The following LINGO2 variants were observed in gnomAD, a reference collection of about 807,000 sequenced individuals.
LINGO2 encodes leucine-rich repeat and immunoglobulin-like domain-containing nogo receptor-interacting protein 2.
In LINGO2, 14 loss-of-function variants were observed where a neutral mutation model predicts 30.6. That is an observed-to-expected ratio of 0.46 (90% CI 0.30 to 0.72). The LOEUF (loss-of-function observed/expected upper bound fraction) is 0.72, where lower values mean the gene tolerates loss of function less well. Ranked by LOEUF, LINGO2 falls within the 30% of genes least tolerant of loss-of-function variation. The pLI is 0.07. For missense variants in LINGO2, 729 were observed against 751.7 expected (o/e 0.97, Z 0.35); for synonymous variants, 317 against 288.5 (o/e 1.10, Z -1.00).
intron 4 of LINGO2, among the ~76,000 whole-genome samples, chr9:28,196,992 G>C (rs1028041616): frequency 6.6e-6 from 1 of 151,796 alleles, no homozygotes; most frequent in African/African-American, 2.4e-5. Context: ...AGCACAATAG[G>C]GTGGCTATAG....
the LINGO2 span, among the ~76,000 whole-genome samples, chr9:28,911,697 T>C: frequency 1.3e-5 from 2 of 152,240 alleles, no homozygotes; most frequent in South Asian, 2.1e-4. Flanking sequence ...CCACAGAATG[T>C]TGTTCTTCTA....
the LINGO2 span, among the ~76,000 whole-genome samples, chr9:28,922,284 T>C: frequency 2.0e-5 from 3 of 152,178 alleles, no homozygotes; most frequent in Non-Finnish European, 2.9e-5. Context: ...TTGTATCACT[T>C]GTGACAGAAA....
chr9:28,311,029 T>C (rs1175766662), intron 3 of LINGO2, among the ~76,000 whole-genome samples: 2 of 152,124 alleles, frequency 1.3e-5, no homozygotes, highest in Non-Finnish European at 2.9e-5. Flanking sequence ...TGTAGATTCT[T>C]TTCTATTTTC....
intron 3 of LINGO2, among the ~76,000 whole-genome samples, chr9:28,299,470 G>A (rs1824054283): frequency 6.6e-6 from 1 of 151,470 alleles, no homozygotes; most frequent in Non-Finnish European, 1.5e-5. Context: ...TATTCATTTA[G>A]TCTGATGAAA....
the LINGO2 span, among the ~76,000 whole-genome samples, chr9:29,118,755 G>A: frequency 6.6e-6 from 1 of 152,122 alleles, no homozygotes. Flanking sequence ...CCTCTCCCCA[G>A]TGAATGGGCC....
At chr9:28,010,655 A>C (rs2119241304) in intron 5 of LINGO2, among the ~76,000 whole-genome samples, 1 of 152,338 alleles carries the variant, frequency 6.6e-6, no homozygotes, top group Non-Finnish European at 1.5e-5. Flanking sequence ...ATACTGTTTT[A>C]AAATCAATCA....
At chr9:28,725,559 T>C in the LINGO2 span, among the ~76,000 whole-genome samples, 1 of 131,432 alleles carries the variant, frequency 7.6e-6, no homozygotes, top group Non-Finnish European at 1.6e-5. Flanking sequence ...TCTCAATCCA[T>C]GGAATAAAAA....
chr9:27,974,164 A>G lies in LINGO2; in HGVS notation c.-35-23458T>C, dbSNP rs116351022. Among the ~76,000 whole-genome samples, 207 of 152,260 alleles carry G rather than the reference A, an allele frequency of 1.4e-3. 2 individuals carry two copies. The highest frequency in any genetic ancestry group is 4.8e-3 in the African/African-American group (198 of 41,572). Reference sequence around the variant, plus strand: ...CGTGAACACGCAGTTGGGAACTGTGACAAGAGAGGTGGCTTTGTACTTTAT... The same window carrying G: ...CGTGAACACGCAGTTGGGAACTGTGGCAAGAGAGGTGGCTTTGTACTTTAT... On this transcript the variant is annotated intron_variant, in intron 5 of 5. Coordinates refer to ENST00000379992, the Ensembl canonical transcript of LINGO2.
At chr9:28,110,946 T>C (rs1019592313) in intron 4 of LINGO2, among the ~76,000 whole-genome samples, 7 of 152,178 alleles carry the variant, frequency 4.6e-5, no homozygotes, top group African/African-American at 7.2e-5. Context: ...TGTATGCTTA[T>C]TGCAGCACTA....
intron 4 of LINGO2, among the ~76,000 whole-genome samples, chr9:28,026,481 G>A (rs931063207): frequency 3.3e-5 from 5 of 152,138 alleles, no homozygotes; most frequent in South Asian, 2.1e-4. Flanking sequence ...TTTCTAAGGC[G>A]TTCTGGGATG....
chr9:28,361,335 A>T (rs1266641162), intron 3 of LINGO2, among the ~76,000 whole-genome samples: 2 of 152,184 alleles, frequency 1.3e-5, no homozygotes, highest in African/African-American at 4.8e-5. Flanking sequence ...ATAGGTATGT[A>T]TGTATAGGGA....
chr9:29,189,416 G>T, the LINGO2 span, among the ~76,000 whole-genome samples: 6 of 151,302 alleles, frequency 4.0e-5, no homozygotes, highest in Non-Finnish European at 8.9e-5. Flanking sequence ...CTTCTCAGAC[G>T]GGGCGGCCGG....
chr9:28,827,267 T>C, the LINGO2 span, among the ~76,000 whole-genome samples: 1 of 152,266 alleles, frequency 6.6e-6, no homozygotes, highest in Non-Finnish European at 1.5e-5. Context: ...CTAGTGATAG[T>C]GAGCTCATTG....
chr9:29,111,686 C>G, the LINGO2 span, among the ~76,000 whole-genome samples: 3 of 151,462 alleles, frequency 2.0e-5, no homozygotes, highest in African/African-American at 4.8e-5. Context: ...TTGATATTCT[C>G]AAATATTCTA....
the LINGO2 span, among the ~76,000 whole-genome samples, chr9:28,787,553 A>T: frequency 2.0e-5 from 3 of 152,152 alleles, no homozygotes; most frequent in African/African-American, 7.2e-5. Context: ...AAAAATCTAG[A>T]ACAATAAATA....
intron 4 of LINGO2, among the ~76,000 whole-genome samples, chr9:28,270,676 T>C (rs1014474219): frequency 6.6e-6 from 1 of 152,146 alleles, no homozygotes; most frequent in African/African-American, 2.4e-5. Context: ...TTGAAGGCTC[T>C]GCCAACTAGT....
the LINGO2 span, among the ~76,000 whole-genome samples, chr9:29,159,281 A>G: frequency 6.6e-6 from 1 of 152,132 alleles, no homozygotes; most frequent in African/African-American, 2.4e-5. Flanking sequence ...AAACTCTACA[A>G]TTCCTCACGG....
intron 5 of LINGO2, among the ~76,000 whole-genome samples, chr9:27,987,142 G>A (rs577065507): frequency 1.3e-5 from 2 of 151,906 alleles, no homozygotes; most frequent in African/African-American, 4.8e-5. Flanking sequence ...GTACTTATGA[G>A]GATGAAAGTA....
intron 1 of LINGO2, among the ~76,000 whole-genome samples, chr9:28,557,124 A>T (rs1055209889): frequency 6.6e-6 from 1 of 152,156 alleles, no homozygotes; most frequent in Non-Finnish European, 1.5e-5. Context: ...AAGCAATGGC[A>T]ACAAAGACAA....
Sources: allele counts gnomAD v4.1 joint callset (sites outside exome capture counted in the v4.1 genomes callset), GRCh38; gene constraint gnomAD v4.1.1; transcripts MANE v1.5; gene names NCBI Gene and HGNC (gene_info 2026-07-23, HGNC 2026-07-21).